Variants in IARS1 observed in about 807,000 individuals in gnomAD.
The protein encoded by IARS1 is isoleucine--tRNA ligase, cytoplasmic.
IARS1 carries 124 observed loss-of-function variants against 168.2 expected under a neutral mutation model. The observed-to-expected ratio is 0.74, with a 90% CI of 0.64 to 0.86. The LOEUF (loss-of-function observed/expected upper bound fraction) is 0.86, where lower values mean the gene tolerates loss of function less well. Ranked by LOEUF, IARS1 falls within the 40% of genes least tolerant of loss-of-function variation. IARS1 has a pLI of 0.00. For missense variants in IARS1, 1,452 were observed against 1,515.8 expected, an observed-to-expected ratio of 0.96 and a Z score of 0.70; for synonymous variants, 532 against 529.4, an observed-to-expected ratio of 1.00 and a Z score of -0.07.
rs1235863516 is a variant in IARS1 at position 92,245,003 on chromosome 9, C to A, written c.2860G>T (p.Ala954Ser). Residue 954 changes from alanine to serine, a missense_variant, in exon 27 of 34, where the codon GCC becomes TCC. Physicochemically the swap from Ala to Ser is moderately conservative, Grantham distance 99. Transcript: ENST00000443024. ...TCAAATTGCGCAGTCCCACCTGTGG[C>A]CTGATCAAAGGTGTACATGAGGCGG... ...DIRLMYTFDQ[A>S]TGGTAQFEAH... The A allele has an allele frequency of 3.7e-6, 6 of 1,613,996 alleles. No homozygotes were observed. In the Admixed American group the frequency reaches 1.0e-4, roughly 27 times the overall value.
chr9:92,271,224 T>C (rs2133871138), intron 11 of IARS1, 148 bp from the exon 12 acceptor site: 1 of 610,004 alleles, frequency 1.6e-6, no homozygotes, highest in East Asian at 2.8e-5. Flanking sequence ...TAAGTAATTT[T>C]CAAGTACATT....
intron 21 of IARS1, chr9:92,252,287 A>T (rs946545820): frequency 1.4e-5 from 6 of 442,366 alleles, no homozygotes; most frequent in East Asian, 6.8e-5. Context: ...AATGTGTATT[A>T]AAAAAAATAC....
Position 92,268,188 on chromosome 9 carries a change from C to G in IARS1, c.1417G>C (p.Asp473His), listed in dbSNP as rs770121162. Reference sequence around the variant, plus strand: ...CCATGCCTCACCTCCTCAAAGTCATCGCTGACCCACAGTGGGATGGGGGTG... The same window carrying G: ...CCATGCCTCACCTCCTCAAAGTCATGGCTGACCCACAGTGGGATGGGGGTG... ...WGTPIPLWVSDDFEEVVCIGS... is the reference protein window; with the variant it reads ...WGTPIPLWVSHDFEEVVCIGS... The change falls in exon 14 of 34, where the codon GAT becomes CAT. Residue 473 changes from aspartate to histidine, a missense_variant. By Grantham distance (81) the Asp-to-His change is moderately conservative (BLOSUM62 -1). Transcript: ENST00000443024. 1 of 1,602,042 alleles carries G rather than the reference C, an allele frequency of 6.2e-7. No homozygotes were observed. The highest frequency in any genetic ancestry group is 1.7e-4 in the Middle Eastern group (1 of 6,028).
chr9:92,278,165 C>G, intron 8 of IARS1, 34 bp downstream of exon 8: 1 of 1,296,278 alleles, frequency 7.7e-7, no homozygotes, highest in Non-Finnish European at 1.1e-6. Context: ...CAGACACATG[C>G]ACACAAACAC....
In IARS1 at chr9:92,247,558, T is replaced by G; in HGVS notation, c.2617-7A>C. The G allele has an allele frequency of 3.1e-6, 5 of 1,611,660 alleles. No individual in the cohort carries two copies. The highest frequency in any genetic ancestry group is 4.2e-6 in the Non-Finnish European group (5 of 1,178,730). The stretch of plus-strand genomic sequence containing the variant: ...CTTTTCGAACATTGAGTTCCTACAG[T>G]TAATGCACAAGAGGAAACAAAAATG... On this transcript the variant is annotated splice_polypyrimidine_tract_variant and splice_region_variant and intron_variant, in intron 25 of 33. Coordinates refer to ENST00000443024, the MANE Select transcript of IARS1 (RefSeq NM_002161.6).
intron 26 of IARS1, among the ~76,000 whole-genome samples, chr9:92,245,551 G>C (rs532314136): frequency 6.6e-6 from 1 of 152,258 alleles, no homozygotes; most frequent in African/African-American, 2.4e-5. Flanking sequence ...CCTGTTCAGG[G>C]GAGGCAGAAA....
At chr9:92,268,353 C>A in intron 13 of IARS1, 53 bp from the exon 14 acceptor site, 3 of 1,578,034 alleles carry the variant, frequency 1.9e-6, no homozygotes, top group Non-Finnish European at 2.6e-6. Flanking sequence ...AAAAATTCAA[C>A]ATGTAAATAA....
In IARS1 at chr9:92,247,434, C is replaced by T; in HGVS notation, c.2734G>A (p.Val912Met). The change falls in exon 26 of 34, where the codon GTG becomes ATG. Residue 912 changes from valine to methionine, a missense_variant. Coordinates refer to ENST00000443024, the MANE Select transcript of IARS1 (RefSeq NM_002161.6). ...GKRLKGAFKA[V>M]MTSIKQLSSE... ...CTCAACTGCTTGATGGACGTCATCA[C>T]TGCCTTAAAGGCTCCCTTCAGACGC... is the stretch of plus-strand genomic sequence containing the variant. The T allele has an allele frequency of 6.2e-7, 1 of 1,614,210 alleles. No homozygotes were observed. Among genetic ancestry groups the T allele is most frequent in the Non-Finnish European group, 8.5e-7 (1 of 1,180,048 alleles).
intron 7 of IARS1, among the ~76,000 whole-genome samples, chr9:92,279,874 T>C (rs527795026): frequency 1.3e-5 from 2 of 152,358 alleles, no homozygotes; most frequent in Admixed American, 1.3e-4. Flanking sequence ...ATACCTCATA[T>C]AAATAGAATC....
At chr9:92,235,479 A>G (rs1344872444) in intron 30 of IARS1, among the ~76,000 whole-genome samples, 1 of 150,962 alleles carries the variant, frequency 6.6e-6, no homozygotes, top group Non-Finnish European at 1.5e-5. Flanking sequence ...ATACTCATGT[A>G]ATCTTTTAGT....
intron 20 of IARS1, among the ~76,000 whole-genome samples, chr9:92,255,671 A>G (rs868304330): frequency 6.6e-6 from 1 of 152,250 alleles, no homozygotes; most frequent in African/African-American, 2.4e-5. Context: ...TGCATTAATA[A>G]CAAGTATTAT....
At chr9:92,229,521 A>C (rs994780806) in intron 30 of IARS1, among the ~76,000 whole-genome samples, 1 of 151,908 alleles carries the variant, frequency 6.6e-6, no homozygotes, top group Non-Finnish European at 1.5e-5. Context: ...TATGATTGTC[A>C]TTTTTCATTT....
chr9:92,253,799 T>C (rs1253279899), intron 20 of IARS1: 1 of 495,914 alleles, frequency 2.0e-6, no homozygotes, highest in Non-Finnish European at 4.0e-6. Flanking sequence ...AGCTGTGCAA[T>C]TTGACAGCAT....
At chr9:92,252,690 G>T (rs116870836) in intron 21 of IARS1, among the ~76,000 whole-genome samples, 4,601 of 144,482 alleles carry the variant, frequency 0.032, 107 homozygotes, top group South Asian at 0.079. Flanking sequence ...CTTGAACCTG[G>T]GAGGCAAAGG....
chr9:92,215,110 G>A (rs564974391), intron 33 of IARS1, among the ~76,000 whole-genome samples: 118 of 152,316 alleles, frequency 7.7e-4, no homozygotes, highest in African/African-American at 2.6e-3. Context: ...GTGGGTCCCT[G>A]ACCCCTGACC....
intron 33 of IARS1, among the ~76,000 whole-genome samples, chr9:92,216,011 G>T (rs1838618015): frequency 6.6e-6 from 1 of 150,936 alleles, no homozygotes; most frequent in East Asian, 1.9e-4. Flanking sequence ...AATGTTAAGG[G>T]CAGCCAGAGA....
intron 33 of IARS1, among the ~76,000 whole-genome samples, chr9:92,212,575 G>A (rs546586182): frequency 2.0e-5 from 3 of 152,206 alleles, no homozygotes; most frequent in South Asian, 2.1e-4. Context: ...GAACAAGTGA[G>A]AGATAAATGT....
rs1839831333 is a variant in IARS1, at chr9:92,222,603, T to C, written c.3623A>G (p.Gln1208Arg). The C allele has an allele frequency of 6.2e-7, 1 of 1,614,004 alleles. No individual in the cohort carries two copies. Among genetic ancestry groups the C allele is most frequent in the Non-Finnish European group, 8.5e-7 (1 of 1,179,972 alleles). ...CTTGGCTGCTTCATACAGAAGACCT[T>C]GGTGGGTGAGTCCATTCTGCCCAAG... Reference protein sequence around the residue: ...NPLGQNGLTHQGLLYEAAKVF... With the variant: ...NPLGQNGLTHRGLLYEAAKVF... The change falls in exon 33 of 34, where the codon CAA becomes CGA. Residue 1208 changes from glutamine (Q) to arginine (R), a missense_variant. Gln to Arg is a conservative substitution (Grantham distance 43). Coordinates refer to ENST00000443024, the MANE Select transcript of IARS1 (RefSeq NM_002161.6).
intron 20 of IARS1, among the ~76,000 whole-genome samples, chr9:92,255,096 C>T (rs747829594): frequency 1.3e-5 from 2 of 152,144 alleles, no homozygotes; most frequent in African/African-American, 2.4e-5. Context: ...GTGCTGCCCT[C>T]GCCAGGGCAG....
Sources: gnomAD v4.1 joint callset for allele counts (sites outside exome capture counted in the v4.1 genomes callset) on GRCh38, gnomAD v4.1.1 for gene constraint, MANE v1.5 for transcripts, NCBI Gene and HGNC (gene_info 2026-07-23, HGNC 2026-07-21) for gene names.